ABCA13: variants seen among roughly 807,000 people sequenced by gnomAD.
ABCA13 encodes ATP-binding cassette sub-family A member 13.
ABCA13 carries 476 observed loss-of-function variants against 478.7 expected under a neutral mutation model. The observed-to-expected ratio is 0.99, with a 90% CI of 0.92 to 1.07. The LOEUF (loss-of-function observed/expected upper bound fraction) is 1.07. Ranked by LOEUF, ABCA13 falls within the 50% of genes least tolerant of loss-of-function variation. The pLI is 0.00. For synonymous variants in ABCA13, 2,252 were observed against 2,158.9 expected (o/e 1.04, Z -1.20); for missense variants, 6,060 against 5,910.6 (o/e 1.03, Z -0.83).
chr7:48,458,675 C>T (rs1254159154), intron 43 of ABCA13, among the ~76,000 whole-genome samples: 1 of 152,098 alleles, frequency 6.6e-6, no homozygotes, highest in Non-Finnish European at 1.5e-5. Context: ...AAGCACAAAC[C>T]AGAAGAAATG....
At chr7:48,354,401 C>T (rs982653733) in intron 31 of ABCA13, among the ~76,000 whole-genome samples, 7 of 151,980 alleles carry the variant, frequency 4.6e-5, no homozygotes, top group Non-Finnish European at 7.3e-5. Context: ...TGATGGAAAT[C>T]CAGAAATGGC....
rs1585684854 is a variant in ABCA13, at chr7:48,520,244, A to G, written c.14001A>G (p.Val4667=). ...IFVQLASQGT[V]LLLLRVLLHW... Reference sequence around the variant, plus strand: ...TGCAACTGGCCTCGCAGGGCACAGTACTTCTCCTCTTGAGGGTTCTGCTAC... The same window carrying G: ...TGCAACTGGCCTCGCAGGGCACAGTGCTTCTCCTCTTGAGGGTTCTGCTAC... The change falls in exon 53 of 62, where the codon GTA becomes GTG. Residue 4667 remains valine (V), a synonymous_variant. Coordinates refer to ENST00000435803, the MANE Select transcript of ABCA13 (RefSeq NM_152701.5). 5.6e-6 allele frequency: 9 copies of G among 1,613,558 alleles called. No homozygotes were observed. Among genetic ancestry groups the G allele is most frequent in the Non-Finnish European group, 5.9e-6 (7 of 1,179,704 alleles).
intron 3 of ABCA13, among the ~76,000 whole-genome samples, chr7:48,215,971 T>C (rs1387348103): frequency 1.3e-5 from 2 of 152,204 alleles, no homozygotes; most frequent in Admixed American, 6.5e-5. Context: ...CAACTAATAT[T>C]CCCTTGTATA....
At chr7:48,322,057 C>T (rs1803561926) in intron 27 of ABCA13, among the ~76,000 whole-genome samples, 1 of 152,228 alleles carries the variant, frequency 6.6e-6, no homozygotes, top group Admixed American at 6.5e-5. Context: ...TCACCATCCC[C>T]AGTGGGTAAA....
chr7:48,572,558 T>A (rs1787772581), intron 55 of ABCA13, among the ~76,000 whole-genome samples: 1 of 152,166 alleles, frequency 6.6e-6, no homozygotes, highest in Admixed American at 6.5e-5. Flanking sequence ...AAATAATTTT[T>A]AAATTTTATT....
intron 31 of ABCA13, 88 bp from the exon 32 acceptor site, chr7:48,367,706 A>C: frequency 9.9e-7 from 1 of 1,008,914 alleles, no homozygotes; most frequent in Non-Finnish European, 1.5e-6. Flanking sequence ...CACTCCTGAA[A>C]GAGCTTTCTA....
At chr7:48,373,198 A>G (rs17548650) in intron 33 of ABCA13, among the ~76,000 whole-genome samples, 5,886 of 152,214 alleles carry the variant, frequency 0.039, 134 homozygotes, top group Middle Eastern at 0.061. Flanking sequence ...CAGTCTGTTG[A>G]GAGATAAGAC....
At position 48,272,314 on chromosome 7, in the gene ABCA13, A is replaced by C. The variant is rs967269755; in HGVS notation, c.2648A>C (p.Lys883Thr). Residue 883 changes from lysine to threonine, a missense_variant, in exon 17 of 62, where the codon AAA becomes ACA. Lys to Thr is a moderately conservative substitution (Grantham distance 78). Coordinates refer to ENST00000435803, the MANE Select transcript of ABCA13 (RefSeq NM_152701.5). ...FSQLFHSDWP[K>T]SPAMNIDFVR... is the part of the protein sequence containing the mutation. ...CAGTTGTTCCATTCAGATTGGCCTA[A>C]ATCACCAGCTATGAACATAGATTTT... The C allele has an allele frequency of 6.2e-7, 1 of 1,613,632 alleles. No homozygotes were observed. Among genetic ancestry groups the C allele is most frequent in the African/African-American group, 1.3e-5 (1 of 74,902 alleles).
At chr7:48,302,997 G>A (rs969105709) in intron 23 of ABCA13, among the ~76,000 whole-genome samples, 13 of 152,080 alleles carry the variant, frequency 8.5e-5, no homozygotes, top group South Asian at 2.1e-4. Flanking sequence ...CATCAGAATC[G>A]GTTACTTTTT....
At chr7:48,405,818 A>C (rs1818188706) in intron 39 of ABCA13, among the ~76,000 whole-genome samples, 1 of 151,878 alleles carries the variant, frequency 6.6e-6, no homozygotes, top group African/African-American at 2.4e-5. Flanking sequence ...TTACAAACCA[A>C]ATATTTTCTC....
At chr7:48,519,099 A>T (rs1347410994) in intron 52 of ABCA13, among the ~76,000 whole-genome samples, 2 of 152,098 alleles carry the variant, frequency 1.3e-5, no homozygotes, top group African/African-American at 4.8e-5. Flanking sequence ...TTTTCTGAGG[A>T]TAATGGCTTT....
chr7:48,602,782 G>C (rs1376865845), intron 58 of ABCA13, among the ~76,000 whole-genome samples: 2 of 151,868 alleles, frequency 1.3e-5, no homozygotes, highest in African/African-American at 4.8e-5. Context: ...GTGGTAGCTT[G>C]ATGGGGATAG....
intron 55 of ABCA13, among the ~76,000 whole-genome samples, chr7:48,566,412 C>T (rs752058728): frequency 1.3e-5 from 2 of 152,094 alleles, no homozygotes; most frequent in Non-Finnish European, 2.9e-5. Context: ...AACTGAAATG[C>T]AAGTGCATGG....
At chr7:48,224,895 C>A (rs2128976379) in intron 5 of ABCA13, among the ~76,000 whole-genome samples, 1 of 152,306 alleles carries the variant, frequency 6.6e-6, no homozygotes, top group East Asian at 1.9e-4. Flanking sequence ...CTGGGACCAT[C>A]TCCTGAATAA....
chr7:48,631,173 T>G (rs1794131200), intron 59 of ABCA13, among the ~76,000 whole-genome samples: 2 of 152,236 alleles, frequency 1.3e-5, no homozygotes, highest in South Asian at 4.1e-4. Flanking sequence ...TAGGTCTCAC[T>G]TGTCAGTTTT....
chr7:48,352,022 A>G (rs1809084899), intron 30 of ABCA13, among the ~76,000 whole-genome samples, 159 bp from the exon 31 acceptor site: 1 of 152,234 alleles, frequency 6.6e-6, no homozygotes, highest in Non-Finnish European at 1.5e-5. Flanking sequence ...TGTGACTGAA[A>G]GTCAGCTTTG....
chr7:48,216,368 G>A (rs1786481190), intron 3 of ABCA13, among the ~76,000 whole-genome samples: 1 of 152,022 alleles, frequency 6.6e-6, no homozygotes, highest in African/African-American at 2.4e-5. Context: ...TTTTTATGTA[G>A]TTTTTGGCCA....
chr7:48,564,046 A>G (rs893619974), intron 55 of ABCA13, among the ~76,000 whole-genome samples: 2 of 151,974 alleles, frequency 1.3e-5, no homozygotes, highest in African/African-American at 4.8e-5. Flanking sequence ...TTCTTTTTAA[A>G]TAGATCTCCT....
At chr7:48,388,691 A>G (rs1815568789) in intron 36 of ABCA13, among the ~76,000 whole-genome samples, 1 of 152,034 alleles carries the variant, frequency 6.6e-6, no homozygotes, top group African/African-American at 2.4e-5. Flanking sequence ...GCACCTATCC[A>G]CTCTCACGTC....
Sources: gnomAD v4.1 joint callset for allele counts (sites outside exome capture counted in the v4.1 genomes callset) on GRCh38, gnomAD v4.1.1 for gene constraint, MANE v1.5 for transcripts, NCBI Gene and HGNC (gene_info 2026-07-23, HGNC 2026-07-21) for gene names.